The following TMCO6 variants were observed in gnomAD, a reference collection of about 807,000 sequenced individuals.
The protein encoded by TMCO6 is transmembrane and coiled-coil domains 6.
In TMCO6, 47 loss-of-function variants were observed where a neutral mutation model predicts 61.8. That is an observed-to-expected ratio of 0.76 (90% CI 0.60 to 0.97). The LOEUF is 0.97. Ranked by LOEUF, TMCO6 falls within the 50% of genes least tolerant of loss-of-function variation. The pLI, the probability that TMCO6 is intolerant of heterozygous loss-of-function variation, is 0.00. For missense variants in TMCO6, 557 were observed against 601.6 expected (o/e 0.93, Z 0.78); for synonymous variants, 261 against 254.2 (o/e 1.03, Z -0.25).
chr5:140,637,512 C>A (rs1006853397), upstream of TMCO6, among the ~76,000 whole-genome samples: 13 of 152,144 alleles, frequency 8.5e-5, no homozygotes, highest in Non-Finnish European at 1.6e-4. Context: ...GGCCGCCCCC[C>A]ACAACCATCT....
the TMCO6 span, chr5:140,632,831 A>C: frequency 1.2e-6 from 2 of 1,614,036 alleles, no homozygotes; most frequent in Non-Finnish European, 1.7e-6. This position sits in a 1 kb window ranked among gnomAD's most constrained non-coding sequence, Gnocchi z 6.2. Flanking sequence ...CTGCAGACAC[A>C]CACTGGAAGG....
chr5:140,617,122 C>A, the TMCO6 span, among the ~76,000 whole-genome samples: 1 of 152,026 alleles, frequency 6.6e-6, no homozygotes, highest in Non-Finnish European at 1.5e-5. Context: ...CCAATAAGCA[C>A]ATGAAAGATA....
At chr5:140,615,822 A>G in the TMCO6 span, among the ~76,000 whole-genome samples, 3 of 152,230 alleles carry the variant, frequency 2.0e-5, no homozygotes, top group Admixed American at 6.5e-5. Context: ...TAAGAGCAAA[A>G]AGTATAAAAC....
At chr5:140,624,469 T>A in the TMCO6 span, among the ~76,000 whole-genome samples, 1 of 152,290 alleles carries the variant, frequency 6.6e-6, no homozygotes, top group Admixed American at 6.5e-5. Flanking sequence ...TTAGAACATT[T>A]TTATCACCCC....
At chr5:140,647,629 G>A (rs1460195287), downstream of TMCO6, 2 of 1,594,318 alleles carry the variant, frequency 1.3e-6, no homozygotes, top group Admixed American at 1.7e-5. Flanking sequence ...CAGGCCAAGT[G>A]CTCCGGTCTG....
At chr5:140,633,830 C>G in the TMCO6 span, 2 of 138,048 alleles carry the variant, frequency 1.4e-5, no homozygotes, top group African/African-American at 5.5e-5. Context: ...TGCTCTGTTG[C>G]TCAGGCTGGA....
the TMCO6 span, among the ~76,000 whole-genome samples, chr5:140,605,156 TA>T: frequency 1.3e-5 from 2 of 152,242 alleles, no homozygotes; most frequent in African/African-American, 2.4e-5. Flanking sequence ...TGCTATTGCA[TA>T]GAAACAACTA....
intron 2 of TMCO6, among the ~76,000 whole-genome samples, chr5:140,640,405 CTTTTCTTTTCTTTTTTTTTTTTT>C (rs1756946417): frequency 6.7e-6 from 1 of 149,818 alleles, no homozygotes; most frequent in African/African-American, 2.5e-5. Flanking sequence ...TATTTTTTTT[CTTTTCTTTTCTTTTTTTTTTTTT>C]GAGACTCTCG....
At chr5:140,624,136 G>A in the TMCO6 span, among the ~76,000 whole-genome samples, 1 of 152,080 alleles carries the variant, frequency 6.6e-6, no homozygotes, top group Non-Finnish European at 1.5e-5. Context: ...GGAGGCTGAG[G>A]TGGGCAGATC....
In TMCO6 at chr5:140,643,770, G is replaced by C; in HGVS notation, c.919-10G>C. The C allele has an allele frequency of 1.2e-6, 2 of 1,612,692 alleles. No individual in the cohort carries two copies. The highest frequency in any genetic ancestry group is 2.2e-5 in the South Asian group (2 of 91,054). On this transcript the variant is annotated splice_polypyrimidine_tract_variant and intron_variant, in intron 8 of 11. Coordinates refer to ENST00000394671, the MANE Select transcript of TMCO6 (RefSeq NM_018502.5). ...CTTCTTACACCTGACCCCCCAATTT[G>C]TCTTTGCAGCTGGCATGCCCCGTGC...
the TMCO6 span, among the ~76,000 whole-genome samples, chr5:140,598,808 C>A: frequency 6.6e-6 from 1 of 152,028 alleles, no homozygotes; most frequent in South Asian, 2.1e-4. Context: ...TGGTGGCAGG[C>A]GACTGTAATC....
chr5:140,598,307 G>C, the TMCO6 span, among the ~76,000 whole-genome samples: 4 of 151,712 alleles, frequency 2.6e-5, no homozygotes, highest in African/African-American at 9.7e-5. Flanking sequence ...GCGCTAAAGT[G>C]ATCCTCCCGC....
At chr5:140,606,146 CT>C in the TMCO6 span, among the ~76,000 whole-genome samples, 1 of 120,954 alleles carries the variant, frequency 8.3e-6, no homozygotes, top group Non-Finnish European at 1.6e-5. Flanking sequence ...TCCTTCCTTC[CT>C]TCCTCCCTCT....
chr5:140,602,492 G>A, the TMCO6 span, among the ~76,000 whole-genome samples: 1 of 152,156 alleles, frequency 6.6e-6, no homozygotes, highest in Non-Finnish European at 1.5e-5. Context: ...GCTGGGAGTG[G>A]TGGCTCACAC....
chr5:140,630,068 C>A, the TMCO6 span, among the ~76,000 whole-genome samples: 1 of 151,616 alleles, frequency 6.6e-6, no homozygotes, highest in African/African-American at 2.4e-5. Flanking sequence ...TGGCTCACTG[C>A]AACCTCTGCC....
chr5:140,643,053 A>G lies in TMCO6; in HGVS notation c.806+12A>G. 1 of 1,614,160 alleles carries G rather than the reference A, an allele frequency of 6.2e-7. No homozygotes were observed. The highest frequency in any genetic ancestry group is 8.5e-7 in the Non-Finnish European group (1 of 1,180,012). The stretch of plus-strand genomic sequence containing the variant: ...TACATCATCTGCAGGTAACAGGGCA[A>G]TTGGGAAAGTACCACAGATCTTCCC... On this transcript the variant is annotated intron_variant, in intron 7 of 11. Coordinates refer to ENST00000394671, the MANE Select transcript of TMCO6 (RefSeq NM_018502.5).
At chr5:140,618,458 T>C in the TMCO6 span, among the ~76,000 whole-genome samples, 1 of 151,814 alleles carries the variant, frequency 6.6e-6, no homozygotes, top group African/African-American at 2.4e-5. Context: ...GCAAAGACAA[T>C]ACAATAAAGA....
At chr5:140,622,364 G>A in the TMCO6 span, among the ~76,000 whole-genome samples, 1 of 152,054 alleles carries the variant, frequency 6.6e-6, no homozygotes, top group African/African-American at 2.4e-5. Context: ...TCAGTCCTCA[G>A]ACATTAACAA....
In TMCO6 at chr5:140,643,017, G is replaced by C. The variant is rs1488594761; in HGVS notation, c.782G>C (p.Trp261Ser). Residue 261 changes from tryptophan to serine, a missense_variant, in exon 7 of 12, where the codon TGG becomes TCG. By Grantham distance (177) the Trp-to-Ser change is radical. Coordinates refer to ENST00000394671, the MANE Select transcript of TMCO6 (RefSeq NM_018502.5). Reference sequence around the variant, plus strand: ...CCTGGGGTCGCTGTGGAGTTTGCCTGGTGCCTTCATTACATCATCTGCAGG... The same window carrying C: ...CCTGGGGTCGCTGTGGAGTTTGCCTCGTGCCTTCATTACATCATCTGCAGG... ...LNPGVAVEFA[W>S]CLHYIICSQV... 1 of 1,614,146 alleles carries C rather than the reference G, an allele frequency of 6.2e-7. No homozygotes were observed. Among genetic ancestry groups the C allele is most frequent in the South Asian group, 1.1e-5 (1 of 91,080 alleles).
Sources: allele counts gnomAD v4.1 joint callset (sites outside exome capture counted in the v4.1 genomes callset), GRCh38; gene constraint gnomAD v4.1.1; non-coding constraint Gnocchi (gnomAD v3.1); transcripts MANE v1.5; gene names NCBI Gene and HGNC (gene_info 2026-07-23, HGNC 2026-07-21).